FAH: variants seen among roughly 807,000 people sequenced by gnomAD.
FAH encodes the protein fumarylacetoacetate hydrolase, also known as fumarylacetoacetase.
A neutral mutation model predicts 55.8 loss-of-function variants in FAH; 47 were observed. The ratio of observed to expected loss-of-function variants is 0.84; its 90% CI spans 0.67 to 1.07. The LOEUF is 1.07. Among genes scored for constraint, FAH ranks in the 50% least tolerant of loss-of-function variants. The pLI is 0.00. For missense variants in FAH, 495 were observed against 545.9 expected (o/e 0.91, Z 0.93); for synonymous variants, 199 against 207.7 (o/e 0.96, Z 0.36).
upstream of FAH, chr15:80,152,846 G>A (rs182356891): frequency 8.9e-6 from 5 of 558,838 alleles, no homozygotes; most frequent in East Asian, 6.1e-5. Flanking sequence ...GTCAGGGTAG[G>A]GGGGAGGGGC....
intron 4 of FAH, 74 bp from the exon 5 acceptor site, chr15:80,162,172 C>T (rs2041154659): frequency 2.6e-6 from 3 of 1,141,406 alleles, no homozygotes; most frequent in Admixed American, 3.4e-5. Context: ...CTCGTGGCTC[C>T]AGTGCTTGGA....
At chr15:80,170,128 G>A (rs1490128804) in intron 7 of FAH, among the ~76,000 whole-genome samples, 2 of 152,272 alleles carry the variant, frequency 1.3e-5, no homozygotes. Context: ...ACCTGGGGGA[G>A]GCAGCGCTCC....
In FAH at chr15:80,159,851, C is replaced by G. The variant is rs1386026331; in HGVS notation, c.288C>G (p.Leu96=). Residue 96 remains leucine (L), a synonymous_variant, in exon 3 of 14, where the codon CTC becomes CTG. Coordinates refer to ENST00000561421, the MANE Select transcript of FAH (RefSeq NM_000137.4). ...QNLLSVSQAR[L]RDDTELRKCA... is the part of the protein sequence containing the mutation. ...TGCTGTCTGTGAGCCAAGCCAGGCT[C>G]AGAGATGACACCGAACTTCGGAAGT... 1 of 1,614,212 alleles carries G rather than the reference C, an allele frequency of 6.2e-7. No homozygotes were observed. The highest frequency in any genetic ancestry group is 1.7e-5 in the Admixed American group (1 of 60,028).
intron 13 of FAH, among the ~76,000 whole-genome samples, 167 bp from the exon 14 acceptor site, chr15:80,185,963 C>T (rs924588654): frequency 6.6e-6 from 1 of 152,194 alleles, no homozygotes; most frequent in Non-Finnish European, 1.5e-5. Flanking sequence ...CAACTCTGCC[C>T]AGCTTCCGTG....
At position 80,180,238 on chromosome 15, in the gene FAH, C is replaced by G. The variant is rs766849781; in HGVS notation, c.1062+13C>G. On this transcript the variant is annotated intron_variant, in intron 12 of 13. Coordinates refer to ENST00000561421, the MANE Select transcript of FAH (RefSeq NM_000137.4). ...CATCAGCGGGCCGGTGAGTATCTGG[C>G]TGCACTGAGGGCTGCCCACGCAGAG... 6.3e-7 allele frequency: 1 copy of G among 1,596,072 alleles called. No homozygotes were observed. Among genetic ancestry groups the G allele is most frequent in the Admixed American group, 1.7e-5 (1 of 59,992 alleles).
rs750389553 is a variant in FAH, at chr15:80,175,020, C to T, written c.842C>T (p.Pro281Leu). ...TGCTGTGCTTTGCCCTCTCAGGACCCCAGGCCCCTGCCGTATCTGTGCCAT... is the reference window on the plus strand; with the variant it reads ...TGCTGTGCTTTGCCCTCTCAGGACCTCAGGCCCCTGCCGTATCTGTGCCAT... ...PFAVPNPKQD[P>L]RPLPYLCHDE... Residue 281 changes from proline to leucine, a missense_variant, in exon 10 of 14, where the codon CCC (proline) becomes CTC (leucine). Coordinates refer to ENST00000561421, the MANE Select transcript of FAH (RefSeq NM_000137.4). The T allele has an allele frequency of 1.1e-5, 17 of 1,613,986 alleles. No homozygotes were observed. Among genetic ancestry groups the T allele is most frequent in the Middle Eastern group, 1.6e-4 (1 of 6,074 alleles).
At chr15:80,164,262 G>A (rs1176200080) in intron 5 of FAH, among the ~76,000 whole-genome samples, 1 of 152,162 alleles carries the variant, frequency 6.6e-6, no homozygotes, top group African/African-American at 2.4e-5. Context: ...GAGGTTGCCT[G>A]TATCCCTTGC....
intron 13 of FAH, among the ~76,000 whole-genome samples, chr15:80,181,760 T>G (rs1420669220): frequency 6.6e-6 from 1 of 152,108 alleles, no homozygotes; most frequent in East Asian, 1.9e-4. Context: ...TTTTTTTTGT[T>G]TTTGAGTCGG....
At chr15:80,186,552 C>G (rs1175497423), downstream of FAH, 1 of 385,156 alleles carries the variant, frequency 2.6e-6, no homozygotes, top group South Asian at 2.4e-5. Context: ...GTAGTCAGGG[C>G]TCTCCAGAGA....
intron 4 of FAH, among the ~76,000 whole-genome samples, chr15:80,161,805 A>G (rs923728771): frequency 3.3e-5 from 5 of 152,210 alleles, no homozygotes; most frequent in African/African-American, 9.6e-5. Flanking sequence ...AGATCCTGCT[A>G]GAGAGAGCAG....
At chr15:80,177,368 C>A in intron 10 of FAH, 169 bp from the exon 11 acceptor site, 2 of 667,874 alleles carry the variant, frequency 3.0e-6, no homozygotes, top group Non-Finnish European at 2.7e-6. Context: ...ATGTATTGGC[C>A]AACCCTGGAC....
chr15:80,154,006 TC>T (rs2142087640), intron 1 of FAH, among the ~76,000 whole-genome samples: 1 of 152,290 alleles, frequency 6.6e-6, no homozygotes, highest in Non-Finnish European at 1.5e-5. Flanking sequence ...GTTCCCTCCT[TC>T]CCCCATGGCT....
At chr15:80,169,540 T>C (rs2041222715) in intron 7 of FAH, among the ~76,000 whole-genome samples, 1 of 152,106 alleles carries the variant, frequency 6.6e-6, no homozygotes, top group Non-Finnish European at 1.5e-5. Flanking sequence ...TTTTGTTTTG[T>C]TTTGTTTTTC....
rs778183662 is a variant in FAH at position 80,177,529 on chromosome 15, T to C, written c.914-8T>C. 2 of 1,613,586 alleles carry C rather than the reference T, an allele frequency of 1.2e-6. No homozygotes were observed. The highest frequency in any genetic ancestry group is 2.2e-5 in the East Asian group (1 of 44,884). On this transcript the variant is annotated splice_polypyrimidine_tract_variant and splice_region_variant and intron_variant, in intron 10 of 13. Coordinates refer to ENST00000561421, the MANE Select transcript of FAH (RefSeq NM_000137.4). ...AGTTTTCATCAATATTGCTTTTCTT[T>C]CCAACAGGAGAAGGAATGAGCCAGG...
chr15:80,186,256 A>T lies in FAH; in HGVS notation c.*47A>T. The T allele has an allele frequency of 6.7e-7, 1 of 1,494,564 alleles. No individual in the cohort carries two copies. The highest frequency in any genetic ancestry group is 9.3e-7 in the Non-Finnish European group (1 of 1,077,968). 92.6% of individuals were successfully genotyped at this position (1,494,564 alleles called of 1,614,324 possible). The stretch of plus-strand genomic sequence containing the variant: ...AACAAAGGGCTCAAGCACCCCTTTC[A>T]ACCCTGTGACTGGGGTCCTCCCTCG... On this transcript the variant is annotated 3_prime_UTR_variant, in exon 14 of 14. Transcript: ENST00000561421.
At position 80,162,325 on chromosome 15, in the gene FAH, G is replaced by C. The variant is rs781230156; in HGVS notation, c.444G>C (p.Leu148Phe). 1.2e-6 allele frequency: 2 copies of C among 1,613,800 alleles called. No homozygotes were observed. The highest frequency in any genetic ancestry group is 1.7e-6 in the Non-Finnish European group (2 of 1,179,652). ...TGTTCAGGGACAAGGAGAATGCGTT[G>C]ATGCCAAATTGGTATGAACTGGGCC... ...GIMFRDKENALMPNWLHLPVG... is the reference protein window; with the variant it reads ...GIMFRDKENAFMPNWLHLPVG... Residue 148 changes from leucine (L) to phenylalanine (F), a missense_variant, in exon 5 of 14, where the codon TTG (leucine) becomes TTC (phenylalanine). Physicochemically the swap from Leu to Phe is conservative, Grantham distance 22 (BLOSUM62 0). Coordinates refer to ENST00000561421, the MANE Select transcript of FAH (RefSeq NM_000137.4).
chr15:80,181,893 G>A (rs746973247), intron 13 of FAH, among the ~76,000 whole-genome samples: 2 of 152,142 alleles, frequency 1.3e-5, no homozygotes, highest in Admixed American at 6.5e-5. Context: ...GATTACAGGC[G>A]CGCTAATTGT....
chr15:80,176,441 C>A (rs1159228915), intron 10 of FAH, among the ~76,000 whole-genome samples: 1 of 152,228 alleles, frequency 6.6e-6, no homozygotes, highest in Non-Finnish European at 1.5e-5. Flanking sequence ...CAGTACACTG[C>A]AGGAGCTGTC....
chr15:80,186,529 A>T, downstream of FAH: 2 of 428,648 alleles, frequency 4.7e-6, no homozygotes, highest in Non-Finnish European at 8.7e-6. Flanking sequence ...TTGAAAAGAG[A>T]CTGGCACCTG....
Sources: gnomAD v4.1 joint callset for allele counts (sites outside exome capture counted in the v4.1 genomes callset) on GRCh38, gnomAD v4.1.1 for gene constraint, MANE v1.5 for transcripts, NCBI Gene and HGNC (gene_info 2026-07-23, HGNC 2026-07-21) for gene names.